Variants in INSL6 observed in about 807,000 individuals in gnomAD.
The protein encoded by INSL6 is insulin-like peptide INSL6.
INSL6 carries 16 observed loss-of-function variants against 9.4 expected under a neutral mutation model. The ratio of observed to expected loss-of-function variants is 1.70; its 90% CI spans 1.15 to 2.59. The LOEUF (loss-of-function observed/expected upper bound fraction) is 2.59, where lower values mean the gene tolerates loss of function less well. Ranked by LOEUF, INSL6 falls within the 30% of genes most tolerant of loss-of-function variation. The probability of loss-of-function intolerance (pLI) is 0.00; values close to 1 mark genes in which losing one functional copy is unlikely to be tolerated. For synonymous variants in INSL6, 154 were observed against 96.9 expected (o/e 1.59, Z -3.46); for missense variants, 391 against 257.3 (o/e 1.52, Z -3.56).
chr9:5,114,352 A>G, the INSL6 span: 1 of 536,918 alleles, frequency 1.9e-6, no homozygotes, highest in Admixed American at 2.2e-5. Flanking sequence ...AGGCAAGAGA[A>G]GCAGTGCAAT....
At chr9:5,143,661 A>C (rs1586860127) in intron 2 of INSL6, among the ~76,000 whole-genome samples, 1 of 134,160 alleles carries the variant, frequency 7.5e-6, no homozygotes, top group African/African-American at 3.0e-5. Flanking sequence ...GGATTTGTTA[A>C]TCTTTTTTTT....
At chr9:5,132,933 G>A (rs1431954676) in intron 3 of INSL6, 2 of 152,174 alleles carry the variant, frequency 1.3e-5, no homozygotes, top group Admixed American at 1.3e-4. Context: ...AGTTTTCAGG[G>A]AGCCTAATTT....
the INSL6 span, among the ~76,000 whole-genome samples, chr9:5,059,148 C>T: frequency 3.9e-5 from 6 of 152,222 alleles, no homozygotes; most frequent in East Asian, 1.9e-4. Flanking sequence ...CATATTTGTA[C>T]ATCTTTGTAG....
At chr9:5,137,662 T>C (rs2130884361) in intron 2 of INSL6, among the ~76,000 whole-genome samples, 1 of 152,316 alleles carries the variant, frequency 6.6e-6, no homozygotes, top group Non-Finnish European at 1.5e-5. Flanking sequence ...GCAATACCAT[T>C]CAGCACTTAG....
At chr9:5,183,347 CAT>C (rs1326521264) in intron 1 of INSL6, among the ~76,000 whole-genome samples, 1 of 152,140 alleles carries the variant, frequency 6.6e-6, no homozygotes, top group Non-Finnish European at 1.5e-5. Context: ...CTGTCTTTTA[CAT>C]AGTTTCCATA....
At chr9:5,142,199 C>T (rs116212704) in intron 2 of INSL6, among the ~76,000 whole-genome samples, 1,544 of 152,182 alleles carry the variant, frequency 0.01, 18 homozygotes, top group African/African-American at 0.036. Flanking sequence ...GGCTATTTGG[C>T]TCTTTTTTGG....
chr9:5,139,124 T>C (rs1423398221), intron 2 of INSL6, among the ~76,000 whole-genome samples: 1 of 152,174 alleles, frequency 6.6e-6, no homozygotes, highest in African/African-American at 2.4e-5. Flanking sequence ...ATAAAGGTCA[T>C]ATCTTTGCTA....
At chr9:5,012,903 C>T in the INSL6 span, among the ~76,000 whole-genome samples, 6 of 151,952 alleles carry the variant, frequency 3.9e-5, no homozygotes, top group Non-Finnish European at 7.4e-5. Flanking sequence ...GCAAAGTAGA[C>T]TTAGGGAAAA....
chr9:5,020,879 G>A, the INSL6 span, among the ~76,000 whole-genome samples: 5 of 152,116 alleles, frequency 3.3e-5, no homozygotes, highest in African/African-American at 9.7e-5. Flanking sequence ...AGGGTAGGAG[G>A]CATTCTGGTG....
the INSL6 span, among the ~76,000 whole-genome samples, chr9:5,004,305 C>T: frequency 2.5e-4 from 38 of 152,262 alleles, no homozygotes; most frequent in Non-Finnish European, 4.3e-4. Context: ...CCCTCAGCCT[C>T]TGGTAACTGC....
the INSL6 span, among the ~76,000 whole-genome samples, chr9:5,019,139 C>G: frequency 6.6e-6 from 1 of 152,116 alleles, no homozygotes; most frequent in Admixed American, 6.5e-5. Flanking sequence ...TTTCATTAAC[C>G]AGGTTTTCTA....
the INSL6 span, among the ~76,000 whole-genome samples, chr9:5,035,312 G>A: frequency 6.6e-6 from 1 of 152,186 alleles, no homozygotes; most frequent in Non-Finnish European, 1.5e-5. Context: ...GTGCAAAGAG[G>A]AGCTGGTACC....
At chr9:5,141,636 A>G (rs1249350650) in intron 2 of INSL6, among the ~76,000 whole-genome samples, 1 of 152,152 alleles carries the variant, frequency 6.6e-6, no homozygotes, top group Non-Finnish European at 1.5e-5. Context: ...TCAGATGCAT[A>G]GTTTGCAGAA....
At chr9:5,006,102 G>A in the INSL6 span, among the ~76,000 whole-genome samples, 5 of 152,186 alleles carry the variant, frequency 3.3e-5, no homozygotes, top group East Asian at 1.9e-4. Flanking sequence ...CCATTTTCAC[G>A]ATATTGATTC....
At chr9:5,104,229 G>T in the INSL6 span, among the ~76,000 whole-genome samples, 1 of 152,116 alleles carries the variant, frequency 6.6e-6, no homozygotes, top group East Asian at 1.9e-4. Context: ...TGGTAAAGGG[G>T]ATATCACCAC....
chr9:5,049,844 TTA>T, the INSL6 span, among the ~76,000 whole-genome samples: 1 of 152,214 alleles, frequency 6.6e-6, no homozygotes, highest in Non-Finnish European at 1.5e-5. Context: ...GGCTACAAAC[TTA>T]TATAGCATGT....
chr9:5,096,594 AAG>A, the INSL6 span: 1 of 152,120 alleles, frequency 6.6e-6, no homozygotes, highest in Non-Finnish European at 1.5e-5. Flanking sequence ...GGCTGGTAAA[AAG>A]AGGTCTTGAC....
At chr9:5,081,972 A>G in the INSL6 span, 1 of 906,418 alleles carries the variant, frequency 1.1e-6, no homozygotes, top group East Asian at 2.5e-5. Context: ...CTTGTAGAAA[A>G]AAAAGGTTTG....
At chr9:4,992,430 C>T in the INSL6 span, among the ~76,000 whole-genome samples, 1 of 152,144 alleles carries the variant, frequency 6.6e-6, no homozygotes, top group African/African-American at 2.4e-5. Flanking sequence ...GTGGCAAGTT[C>T]ACACTGCAGA....
Sources: allele counts gnomAD v4.1 joint callset (sites outside exome capture counted in the v4.1 genomes callset), GRCh38; gene constraint gnomAD v4.1.1; transcripts MANE v1.5; gene names NCBI Gene and HGNC (gene_info 2026-07-23, HGNC 2026-07-21).